The following GAS7 variants were observed in gnomAD, a reference collection of about 807,000 sequenced individuals.
The protein encoded by GAS7 is growth arrest specific 7.
Under a neutral mutation model 71.1 loss-of-function variants are expected in GAS7, and 28 were observed. That is an observed-to-expected ratio of 0.39 (90% CI 0.29 to 0.54). The LOEUF (loss-of-function observed/expected upper bound fraction) is 0.54. GAS7 is among the 20% of genes least tolerant of loss of function. The pLI is 0.62. For synonymous variants in GAS7, 258 were observed against 245.8 expected (o/e 1.05, Z -0.46); for missense variants, 436 against 627.8 (o/e 0.69, Z 3.27).
At chr17:10,038,417 T>TA (rs2072798361) in intron 1 of GAS7, among the ~76,000 whole-genome samples, 1 of 152,162 alleles carries the variant, frequency 6.6e-6, no homozygotes, top group African/African-American at 2.4e-5. Context: ...TTGAGAACTG[T>TA]TGGAACCCTT....
chr17:9,927,290 T>TACACACACATAC lies in GAS7; in HGVS notation c.886-522_886-521insGTATGTGTGTGT, dbSNP rs1555589672. On this transcript the variant is annotated intron_variant, in intron 9 of 13. Coordinates refer to ENST00000432992, the MANE Select transcript of GAS7 (RefSeq NM_201433.2). ...ATGGTGAAACCCCATCTCTACTACA[T>TACACACACATAC]ACACACACACACACACACACACACA... Among the ~76,000 whole-genome samples the TACACACACATAC allele has an allele frequency of 2.1e-3, 250 of 116,942 alleles. 1 individual carries two copies. Among genetic ancestry groups the TACACACACATAC allele is most frequent in the African/African-American group, 7.9e-3 (236 of 29,968 alleles). The allele number at this position is 116,942 out of a possible 152,430, so 76.7% of individuals were successfully genotyped here. A position where few individuals can be genotyped will look rare whatever the true frequency, so the allele number is the denominator to read the frequency against.
intron 1 of GAS7, among the ~76,000 whole-genome samples, chr17:10,136,019 G>C (rs566132899): frequency 7.2e-5 from 11 of 152,184 alleles, no homozygotes; most frequent in Non-Finnish European, 1.6e-4. Flanking sequence ...GGGTGGTTCA[G>C]CTCGGAACAA....
intron 6 of GAS7, among the ~76,000 whole-genome samples, chr17:9,943,760 G>C (rs1293684978): frequency 3.9e-5 from 6 of 152,244 alleles, no homozygotes; most frequent in Admixed American, 3.9e-4. Flanking sequence ...ATCATAGAGA[G>C]AAAGTGGGTT....
intron 3 of GAS7, among the ~76,000 whole-genome samples, chr17:9,972,369 C>G (rs555782766): frequency 3.6e-4 from 55 of 152,306 alleles, no homozygotes; most frequent in African/African-American, 1.2e-3. Context: ...TAAATACACC[C>G]TACAACGAGG....
intron 2 of GAS7, among the ~76,000 whole-genome samples, chr17:9,998,937 A>G (rs925729563): frequency 6.6e-6 from 1 of 152,196 alleles, no homozygotes; most frequent in Admixed American, 6.5e-5. Context: ...TGTAAATGGC[A>G]AACACAGGCC....
intron 1 of GAS7, among the ~76,000 whole-genome samples, chr17:10,126,189 C>G (rs1009008585): frequency 3.9e-5 from 6 of 152,222 alleles, no homozygotes; most frequent in Non-Finnish European, 8.8e-5. Flanking sequence ...GGAGTCGCTT[C>G]TCAGACAGGA....
chr17:10,042,651 G>A lies in GAS7; in HGVS notation c.184-22754C>T, dbSNP rs141225932. Among the ~76,000 whole-genome samples the A allele has an allele frequency of 1.8e-3, 269 of 152,342 alleles. 1 individual carries two copies. Among genetic ancestry groups the A allele is most frequent in the African/African-American group, 6.0e-3 (248 of 41,580 alleles). ...AACAGTGCCAAATGCTATGTGATAAGCTGGCAGACAATAAGAGCTTTCAGA... is the reference window on the plus strand; with the variant it reads ...AACAGTGCCAAATGCTATGTGATAAACTGGCAGACAATAAGAGCTTTCAGA... On this transcript the variant is annotated intron_variant, in intron 1 of 13. Coordinates refer to ENST00000432992, the MANE Select transcript of GAS7 (RefSeq NM_201433.2).
At chr17:10,181,237 G>A (rs1350091791) in intron 1 of GAS7, among the ~76,000 whole-genome samples, 1 of 152,052 alleles carries the variant, frequency 6.6e-6, no homozygotes, top group Non-Finnish European at 1.5e-5. Flanking sequence ...GTGCATGCCT[G>A]TAATCCCAGC....
intron 1 of GAS7, among the ~76,000 whole-genome samples, chr17:10,119,173 T>G (rs1180661699): frequency 6.6e-6 from 1 of 152,140 alleles, no homozygotes; most frequent in Non-Finnish European, 1.5e-5. Flanking sequence ...AAAAAGTGAA[T>G]TCTAAAGAAT....
intron 2 of GAS7, among the ~76,000 whole-genome samples, chr17:10,011,934 C>A (rs1440126397): frequency 6.8e-6 from 1 of 146,948 alleles, no homozygotes; most frequent in Non-Finnish European, 1.5e-5. Context: ...GAGATTGCAC[C>A]ATTGCACTCC....
intron 5 of GAS7, among the ~76,000 whole-genome samples, chr17:9,952,686 C>A (rs1234741188): frequency 6.6e-6 from 1 of 152,168 alleles, no homozygotes; most frequent in African/African-American, 2.4e-5. Context: ...AGTCACCGCG[C>A]CCGGCCCAGA....
At chr17:9,920,383 G>C (rs16959004) in intron 11 of GAS7, among the ~76,000 whole-genome samples, 1,901 of 152,316 alleles carry the variant, frequency 0.012, 32 homozygotes, top group African/African-American at 0.042. Context: ...ATCACAGAAA[G>C]ATCCGAGGCA....
At chr17:10,005,050 T>TATATATATATATATATATATACAC (rs1296844463) in intron 2 of GAS7, among the ~76,000 whole-genome samples, 3 of 150,080 alleles carry the variant, frequency 2.0e-5, no homozygotes, top group African/African-American at 7.5e-5. Context: ...TACATATATA[T>TATATATATATATATATATATACAC]ACACATATAT....
At chr17:9,958,284 G>C (rs1242646146) in intron 5 of GAS7, among the ~76,000 whole-genome samples, 2 of 152,182 alleles carry the variant, frequency 1.3e-5, no homozygotes, top group Non-Finnish European at 2.9e-5. Context: ...AATTAAATGA[G>C]CCACTTGGAT....
At chr17:9,960,472 G>A (rs12449755) in intron 4 of GAS7, among the ~76,000 whole-genome samples, 1,578 of 152,338 alleles carry the variant, frequency 0.01, 71 homozygotes, top group Admixed American at 0.073. Flanking sequence ...TTATAGGCAT[G>A]AGCCACTGCG....
intron 1 of GAS7, among the ~76,000 whole-genome samples, chr17:10,197,725 G>A (rs1234970182): frequency 6.6e-6 from 1 of 152,156 alleles, no homozygotes; most frequent in East Asian, 1.9e-4. Flanking sequence ...TCCCGAGGCG[G>A]CCAGGCAGCC....
intron 1 of GAS7, among the ~76,000 whole-genome samples, chr17:10,182,291 C>G (rs1329116920): frequency 5.9e-5 from 9 of 152,150 alleles, no homozygotes; most frequent in African/African-American, 2.2e-4. Flanking sequence ...TCCCGAGTAG[C>G]TGGGATTACA....
At chr17:10,079,970 T>C (rs1185414119) in intron 1 of GAS7, among the ~76,000 whole-genome samples, 2 of 152,214 alleles carry the variant, frequency 1.3e-5, no homozygotes, top group Admixed American at 1.3e-4. Context: ...TGGAGGTGTT[T>C]GAACCAGAGT....
chr17:10,172,771 C>T (rs938508204), intron 1 of GAS7, among the ~76,000 whole-genome samples: 1 of 152,240 alleles, frequency 6.6e-6, no homozygotes, highest in Non-Finnish European at 1.5e-5. Context: ...CAGAGCCCCT[C>T]ACTGCCTACC....
Sources: allele counts gnomAD v4.1 joint callset (sites outside exome capture counted in the v4.1 genomes callset), GRCh38; gene constraint gnomAD v4.1.1; transcripts MANE v1.5; gene names NCBI Gene and HGNC (gene_info 2026-07-23, HGNC 2026-07-21).